Variants in EGF observed in about 807,000 individuals in gnomAD.
EGF encodes the protein epidermal growth factor.
In EGF, 95 loss-of-function variants were observed where a neutral mutation model predicts 143.8. The observed-to-expected ratio is 0.66, with a 90% CI of 0.56 to 0.78. The LOEUF (loss-of-function observed/expected upper bound fraction) is 0.78. Ranked by LOEUF, EGF falls within the 30% of genes least tolerant of loss-of-function variation. The pLI is 0.00. For missense variants in EGF, 1,320 were observed against 1,470.9 expected (o/e 0.90, Z 1.68); for synonymous variants, 510 against 510.5 (o/e 1.00, Z 0.01).
At chr4:109,916,314 C>A (rs1736648436) in intron 1 of EGF, among the ~76,000 whole-genome samples, 1 of 152,056 alleles carries the variant, frequency 6.6e-6, no homozygotes, top group South Asian at 2.1e-4. Flanking sequence ...TTTTTTCTAA[C>A]AGCAGTGAAA....
At chr4:110,005,320 G>A (rs748029857) in intron 22 of EGF, among the ~76,000 whole-genome samples, 1 of 151,664 alleles carries the variant, frequency 6.6e-6, no homozygotes, top group Non-Finnish European at 1.5e-5. Context: ...TGCTGGAATT[G>A]CAGGCATGAG....
At chr4:110,011,132 G>T (rs558693532) in intron 23 of EGF, 70 bp from the exon 24 acceptor site, 5 of 1,575,194 alleles carry the variant, frequency 3.2e-6, no homozygotes, top group Non-Finnish European at 4.3e-6. Flanking sequence ...AACCACTACC[G>T]TTTAGGGTCT....
intron 11 of EGF, among the ~76,000 whole-genome samples, chr4:109,971,621 A>C (rs745335571): frequency 1.9e-4 from 29 of 152,216 alleles, no homozygotes; most frequent in Non-Finnish European, 3.8e-4. Flanking sequence ...TCCCCAGTTC[A>C]TTGGCTTCAG....
At chr4:109,948,686 A>T (rs1445817120) in intron 5 of EGF, among the ~76,000 whole-genome samples, 1 of 152,014 alleles carries the variant, frequency 6.6e-6, no homozygotes, top group Non-Finnish European at 1.5e-5. Context: ...GGGTTTCACC[A>T]TATTACCCAG....
intron 22 of EGF, among the ~76,000 whole-genome samples, chr4:110,006,840 T>C (rs1433675983): frequency 6.6e-6 from 1 of 152,226 alleles, no homozygotes; most frequent in South Asian, 2.1e-4. Flanking sequence ...CAACTGCTGC[T>C]GTAGATATCA....
chr4:109,969,012 T>G lies in EGF; in HGVS notation c.1617T>G (p.Ala539=), dbSNP rs762612244. Reference sequence around the variant, plus strand: ...CAGCCCTGAAGTGGATAGAGAGAGCTAATATGGATGGTTCCCAGCGAGAAA... The same window carrying G: ...CAGCCCTGAAGTGGATAGAGAGAGCGAATATGGATGGTTCCCAGCGAGAAA... The part of the protein sequence containing the change: ...AHTALKWIER[A]NMDGSQRERL... Residue 539 remains alanine (A), a synonymous_variant, in exon 11 of 24, where the codon GCT becomes GCG. Coordinates refer to ENST00000265171, the MANE Select transcript of EGF (RefSeq NM_001963.6). The G allele has an allele frequency of 3.1e-6, 5 of 1,614,048 alleles. No individual in the cohort carries two copies. The African/African-American group carries it at 6.7e-5, about 22-fold the overall frequency.
chr4:110,004,349 C>A, intron 21 of EGF, 156 bp from the exon 22 acceptor site: 1 of 758,924 alleles, frequency 1.3e-6, no homozygotes, highest in African/African-American at 1.7e-5. Flanking sequence ...CCTTAAACAT[C>A]TAAAGTTATG....
At chr4:109,976,404 A>T (rs1009675620) in intron 13 of EGF, among the ~76,000 whole-genome samples, 169 bp downstream of exon 13, 3 of 152,234 alleles carry the variant, frequency 2.0e-5, no homozygotes, top group African/African-American at 7.2e-5. Context: ...TTAACATTGG[A>T]ATACGGGGTA....
In EGF at chr4:109,943,885, G is replaced by A; in HGVS notation, c.553G>A (p.Ala185Thr). ...AGAGGTGGCTGGAAGCCTTTATAGAGCAGATCTCGATGGTGTGGGAGTGAA... is the reference window on the plus strand; with the variant it reads ...AGAGGTGGCTGGAAGCCTTTATAGAACAGATCTCGATGGTGTGGGAGTGAA... ...SSEVAGSLYR[A>T]DLDGVGVKAL... Residue 185 changes from alanine to threonine, a missense_variant, in exon 4 of 24, where the codon GCA becomes ACA. Transcript: ENST00000265171. The A allele has an allele frequency of 6.2e-7, 1 of 1,614,172 alleles. No homozygotes were observed. The highest frequency in any genetic ancestry group is 8.5e-7 in the Non-Finnish European group (1 of 1,180,028).
At chr4:109,948,438 A>C (rs2126021755) in intron 5 of EGF, among the ~76,000 whole-genome samples, 1 of 152,096 alleles carries the variant, frequency 6.6e-6, no homozygotes, top group Admixed American at 6.5e-5. Context: ...ACCTAGGGAG[A>C]TGGTATATAA....
intron 1 of EGF, among the ~76,000 whole-genome samples, chr4:109,932,561 G>T (rs1739971272): frequency 6.6e-6 from 1 of 150,862 alleles, no homozygotes; most frequent in Admixed American, 6.6e-5. Flanking sequence ...TGTATTTTTA[G>T]TAGAGACGGG....
chr4:109,974,316 G>A (rs1167522626), intron 11 of EGF, among the ~76,000 whole-genome samples: 2 of 152,114 alleles, frequency 1.3e-5, no homozygotes, highest in African/African-American at 2.4e-5. Context: ...TGTCTCCCTC[G>A]TCTTCATGAT....
In EGF at chr4:109,994,832, A is replaced by C; in HGVS notation, c.2957A>C (p.His986Pro). 6.2e-7 allele frequency: 1 copy of C among 1,614,176 alleles called. No individual in the cohort carries two copies. The highest frequency in any genetic ancestry group is 8.5e-7 in the Non-Finnish European group (1 of 1,180,012). The change falls in exon 20 of 24, where the codon CAT becomes CCT. Residue 986 changes from histidine (H) to proline (P), a missense_variant. This residue lies in a region of EGF where 1,186 missense variants were observed against 1,313.7 expected (regional missense o/e 0.90). Transcript: ENST00000265171. ...CPLSHDGYCL[H>P]DGVCMYIEAL... The stretch of plus-strand genomic sequence containing the variant: ...CTGTCCCACGATGGGTACTGCCTCC[A>C]TGATGGTGTGTGCATGTATATTGAA...
At chr4:109,935,589 T>C (rs1275207149) in intron 1 of EGF, among the ~76,000 whole-genome samples, 1 of 152,210 alleles carries the variant, frequency 6.6e-6, no homozygotes, top group African/African-American at 2.4e-5. Flanking sequence ...TCCAATACTA[T>C]GTTGAATAGG....
At chr4:109,982,501 T>C (rs1004150078) in intron 15 of EGF, among the ~76,000 whole-genome samples, 1 of 152,032 alleles carries the variant, frequency 6.6e-6, no homozygotes, top group Admixed American at 6.6e-5. Flanking sequence ...CTGATTTTTG[T>C]ATTTTTAGTA....
Position 109,945,406 on chromosome 4 carries a change from A to C in EGF, c.940+131A>C, listed in dbSNP as rs554797751. 54 of 772,268 alleles carry C rather than the reference A, an allele frequency of 7.0e-5. No individual in the cohort carries two copies. The African/African-American group carries it at 8.8e-4, about 13-fold the overall frequency. 47.8% of individuals were successfully genotyped at this position (772,268 alleles called of 1,614,324 possible). A position where few individuals can be genotyped will look rare whatever the true frequency, so the allele number is the denominator to read the frequency against. ...CAACCCTCATATATTCTTAGTCATA[A>C]TAGACCCCTGTAAGAAAAGACAGAT... On this transcript the variant is annotated intron_variant, in intron 5 of 23. Coordinates refer to ENST00000265171, the MANE Select transcript of EGF (RefSeq NM_001963.6).
In EGF at chr4:109,968,711, C is replaced by CTATCTATCTAT. The variant is rs10657057; in HGVS notation, c.1576-260_1576-259insTATCTATCTAT. The CTATCTATCTAT allele has an allele frequency of 3.6e-3, 1,077 of 297,260 alleles. 2 individuals carry two copies. Among genetic ancestry groups the CTATCTATCTAT allele is most frequent in the Non-Finnish European group, 4.7e-3 (784 of 166,946 alleles). The allele number at this position is 297,260 out of a possible 1,614,324, so 18.4% of individuals were successfully genotyped here. On this transcript the variant is annotated intron_variant, in intron 10 of 23. Coordinates refer to ENST00000265171, the MANE Select transcript of EGF (RefSeq NM_001963.6). ...ATCTATCTATCTATCTATCTATCTACCTACCTACCTACCTACCTAATAAGA... is the reference window on the plus strand; with the variant it reads ...ATCTATCTATCTATCTATCTATCTACTATCTATCTATCTACCTACCTACCTACCTAATAAGA...
chr4:109,915,949 C>T (rs1038710667), intron 1 of EGF, among the ~76,000 whole-genome samples: 5 of 152,208 alleles, frequency 3.3e-5, no homozygotes, highest in African/African-American at 1.2e-4. Flanking sequence ...TGAGCTACAG[C>T]AGGTGAGGAC....
chr4:109,979,842 C>G, intron 13 of EGF, 130 bp from the exon 14 acceptor site: 1 of 1,105,410 alleles, frequency 9.0e-7, no homozygotes, highest in Non-Finnish European at 1.3e-6. Context: ...GTGGCTCACT[C>G]ATAACTTGCT....
Sources: gnomAD v4.1 joint callset for allele counts (sites outside exome capture counted in the v4.1 genomes callset) on GRCh38, gnomAD v4.1.1 for gene constraint, gnomAD v4.1.1 regional missense constraint, MANE v1.5 for transcripts, NCBI Gene and HGNC (gene_info 2026-07-23, HGNC 2026-07-21) for gene names.